The following CALN1 variants were observed in gnomAD, a reference collection of about 807,000 sequenced individuals.
CALN1 encodes the protein calneuron 1, also known as calcium-binding protein 8.
Under a neutral mutation model 30.6 loss-of-function variants are expected in CALN1, and 17 were observed. That is an observed-to-expected ratio of 0.56 (90% CI 0.38 to 0.83). The LOEUF is 0.83. Ranked by LOEUF, CALN1 falls within the 40% of genes least tolerant of loss-of-function variation. CALN1 has a pLI of 0.00. For missense variants in CALN1, 291 were observed against 354.9 expected, an observed-to-expected ratio of 0.82 and a Z score of 1.45; for synonymous variants, 156 against 131.4, an observed-to-expected ratio of 1.19 and a Z score of -1.28.
At chr7:72,312,894 G>C (rs1266011222) in intron 2 of CALN1, among the ~76,000 whole-genome samples, 1 of 152,012 alleles carries the variant, frequency 6.6e-6, no homozygotes, top group Admixed American at 6.6e-5. Flanking sequence ...GAGTACAGTG[G>C]TGCAATCTCG....
chr7:71,899,388 C>G (rs1245342879), intron 5 of CALN1, among the ~76,000 whole-genome samples: 1 of 152,098 alleles, frequency 6.6e-6, no homozygotes, highest in Non-Finnish European at 1.5e-5. Flanking sequence ...GGTGATATGC[C>G]CACCTTGGCC....
intron 2 of CALN1, among the ~76,000 whole-genome samples, chr7:72,372,003 TTCTGGCATTTCTGAGATTGAA>T (rs2129560356): frequency 6.6e-6 from 1 of 152,312 alleles, no homozygotes; most frequent in East Asian, 1.9e-4. Context: ...CATTTCCTCC[TTCTGGCATTTCTGAGATTGAA>T]TTCAATATCG....
rs1792989765 is a variant in CALN1, at chr7:71,786,591, C to G, written c.*1184G>C. The stretch of plus-strand genomic sequence containing the variant: ...CAACCTCCTGAAAATGAGTCAGTTG[C>G]AGAATCTGAAGGCCAGAAGATCTTA... On this transcript the variant is annotated 3_prime_UTR_variant, in exon 7 of 7. Coordinates refer to ENST00000395275, the MANE Select transcript of CALN1 (RefSeq NM_031468.4). The G allele has an allele frequency of 6.6e-6, 1 of 152,336 alleles. No homozygotes were observed. The highest frequency in any genetic ancestry group is 2.1e-4 in the South Asian group (1 of 4,824). 9.4% of individuals were successfully genotyped at this position (152,336 alleles called of 1,614,324 possible). A position where few individuals can be genotyped will look rare whatever the true frequency, so the allele number is the denominator to read the frequency against.
At chr7:72,416,859 GTGGGCTGGGCTGAGC>G (rs1228281306), upstream of CALN1, among the ~76,000 whole-genome samples, 1 of 152,126 alleles carries the variant, frequency 6.6e-6, no homozygotes, top group Admixed American at 6.5e-5. Flanking sequence ...TTGAGCTGGG[GTGGGCTGGGCTGAGC>G]TGGGCTGGGC....
intron 1 of CALN1, among the ~76,000 whole-genome samples, chr7:72,406,330 T>C (rs564791935): frequency 1.3e-5 from 2 of 152,268 alleles, no homozygotes; most frequent in Admixed American, 1.3e-4. Flanking sequence ...TGGAAGCTTC[T>C]CCAAGACACA....
intron 5 of CALN1, among the ~76,000 whole-genome samples, chr7:72,006,235 T>G (rs1375773976): frequency 1.3e-5 from 2 of 152,214 alleles, no homozygotes; most frequent in Admixed American, 1.3e-4. Flanking sequence ...AAGAGGTTAG[T>G]TTTTCCTTTG....
intron 6 of CALN1, among the ~76,000 whole-genome samples, chr7:71,790,720 G>A (rs1015335111): frequency 2.0e-5 from 3 of 152,202 alleles, no homozygotes; most frequent in African/African-American, 4.8e-5. Context: ...CCCTATTGCA[G>A]AATTACTGAA....
chr7:72,070,426 G>C (rs1804311709), intron 4 of CALN1, among the ~76,000 whole-genome samples: 1 of 152,168 alleles, frequency 6.6e-6, no homozygotes, highest in Non-Finnish European at 1.5e-5. Flanking sequence ...GCATTCTGTT[G>C]TTTACGGAAA....
intron 6 of CALN1, among the ~76,000 whole-genome samples, chr7:71,790,368 A>AAAAAGAAAGAAAGAAAG (rs1554337106): frequency 2.4e-5 from 3 of 123,796 alleles, no homozygotes; most frequent in East Asian, 5.6e-4. Flanking sequence ...AGAAAGAAAG[A>AAAAAGAAAGAAAGAAAG]AAAGAAAGAA....
intron 5 of CALN1, among the ~76,000 whole-genome samples, chr7:71,936,806 G>A (rs935658528): frequency 1.3e-5 from 2 of 152,254 alleles, no homozygotes; most frequent in South Asian, 2.1e-4. Flanking sequence ...CGGAGAGCCT[G>A]GAGGGAGACA....
At chr7:71,907,988 C>T (rs990620335) in intron 5 of CALN1, among the ~76,000 whole-genome samples, 10 of 152,358 alleles carry the variant, frequency 6.6e-5, no homozygotes, top group Admixed American at 4.6e-4. Context: ...AACAACTGCT[C>T]TTTTGAATCA....
At chr7:72,215,850 G>A (rs1400858814) in intron 3 of CALN1, among the ~76,000 whole-genome samples, 4 of 152,082 alleles carry the variant, frequency 2.6e-5, no homozygotes, top group Non-Finnish European at 5.9e-5. Context: ...GCCAGTGACT[G>A]GGCTGGCCAT....
the CALN1 span, among the ~76,000 whole-genome samples, chr7:72,488,041 C>A: frequency 6.6e-6 from 1 of 151,110 alleles, no homozygotes; most frequent in Non-Finnish European, 1.5e-5. Context: ...AGCTCAAGGA[C>A]AAATACCATG....
intron 6 of CALN1, among the ~76,000 whole-genome samples, chr7:71,791,935 C>T (rs975642420): frequency 1.6e-4 from 24 of 151,860 alleles, no homozygotes; most frequent in East Asian, 7.8e-4. Context: ...GGTGTGAACC[C>T]GGGAGGCAGA....
At chr7:72,185,878 C>G (rs1000435131) in intron 3 of CALN1, among the ~76,000 whole-genome samples, 47 of 152,220 alleles carry the variant, frequency 3.1e-4, no homozygotes, top group Admixed American at 2.2e-3. Context: ...GAGGCTTTCA[C>G]AGCCATGTGG....
chr7:72,417,518 T>C (rs1385672209), intron 1 of CALN1, among the ~76,000 whole-genome samples: 1 of 152,232 alleles, frequency 6.6e-6, no homozygotes, highest in Non-Finnish European at 1.5e-5. Flanking sequence ...GCCACATAGT[T>C]CTTGGTTACC....
chr7:72,403,528 C>T, intron 1 of CALN1, 86 bp from the exon 2 acceptor site: 3 of 549,622 alleles, frequency 5.5e-6, no homozygotes, highest in Non-Finnish European at 3.2e-6. Context: ...AATTCACACC[C>T]TCCCTTCCGT....
Position 72,313,214 on chromosome 7 carries a change from T to G in CALN1, c.120-34404A>C, listed in dbSNP as rs73361179. 3.3e-3 allele frequency among the ~76,000 whole-genome samples: 505 copies of G among 152,198 alleles called. 3 individuals carry two copies. The highest frequency in any genetic ancestry group is 0.012 in the African/African-American group (478 of 41,520). ...GAGAATGGAGAAGAAACAAAAGATT[T>G]AGAGGTCAACCCAGATGAGTATGGT... On this transcript the variant is annotated intron_variant, in intron 2 of 6. Transcript: ENST00000395275.
chr7:71,840,319 C>T (rs1043611768), intron 5 of CALN1, among the ~76,000 whole-genome samples: 2 of 151,494 alleles, frequency 1.3e-5, no homozygotes, highest in Non-Finnish European at 2.9e-5. Context: ...GACCCGTCTC[C>T]ACAAAAAATT....
Sources: gnomAD v4.1 joint callset for allele counts (sites outside exome capture counted in the v4.1 genomes callset) on GRCh38, gnomAD v4.1.1 for gene constraint, MANE v1.5 for transcripts, NCBI Gene and HGNC (gene_info 2026-07-23, HGNC 2026-07-21) for gene names.